Variants in DNAH5 observed in about 807,000 individuals in gnomAD.
DNAH5 encodes axonemal beta dynein heavy chain 5.
A neutral mutation model predicts 518.2 loss-of-function variants in DNAH5; 372 were observed. The observed-to-expected ratio is 0.72, with a 90% CI of 0.66 to 0.78. DNAH5 has a LOEUF of 0.78. Among genes scored for constraint, DNAH5 ranks in the 30% least tolerant of loss-of-function variants. The probability of loss-of-function intolerance (pLI) is 0.00; values close to 1 mark genes in which losing one functional copy is unlikely to be tolerated. For synonymous variants in DNAH5, 2,039 were observed against 2,025.9 expected, an observed-to-expected ratio of 1.01 and a Z score of -0.17; for missense variants, 5,523 against 5,687.0, an observed-to-expected ratio of 0.97 and a Z score of 0.93.
intron 1 of DNAH5, among the ~76,000 whole-genome samples, chr5:13,957,201 C>G (rs1780817932): frequency 6.6e-6 from 1 of 151,586 alleles, no homozygotes; most frequent in Non-Finnish European, 1.5e-5. Context: ...AAACAAAGCA[C>G]AGTCTACACT....
At chr5:13,730,729 G>A (rs1045432491) in intron 68 of DNAH5, among the ~76,000 whole-genome samples, 2 of 144,784 alleles carry the variant, frequency 1.4e-5, no homozygotes, top group African/African-American at 2.6e-5. Context: ...TTGAGATGTA[G>A]TTTCACTCTT....
chr5:13,859,595 G>T lies in DNAH5; in HGVS notation c.4807C>A (p.Pro1603Thr), dbSNP rs369137751. ...GSLLSNRYNM[P>T]FKAQIQKWVQ... is the part of the protein sequence containing the mutation. ...CATTTTTGAATCTGGGCTTTGAATG[G>T]CATATTGTACCTAAAATAAGAAATA... The change falls in exon 30 of 79, where the codon CCA becomes ACA. Residue 1603 changes from proline to threonine, a missense_variant. By Grantham distance (38) the Pro-to-Thr change is conservative (BLOSUM62 -1). Coordinates refer to ENST00000265104, the MANE Select transcript of DNAH5 (RefSeq NM_001369.3). The T allele has an allele frequency of 1.1e-3, 1,799 of 1,613,762 alleles. 33 individuals are homozygous for T. In the South Asian group the frequency reaches 0.019, roughly 17 times the overall value.
At chr5:13,695,999 G>A (rs1741325135) in intron 78 of DNAH5, among the ~76,000 whole-genome samples, 1 of 152,120 alleles carries the variant, frequency 6.6e-6, no homozygotes, top group Admixed American at 6.5e-5. Flanking sequence ...ATTAAATCCT[G>A]TGGGCTCAGG....
intron 36 of DNAH5, 146 bp from the exon 37 acceptor site, chr5:13,830,359 C>T (rs1197226839): frequency 1.1e-6 from 1 of 903,892 alleles, no homozygotes; most frequent in Non-Finnish European, 1.7e-6. Flanking sequence ...ATCAAGTGAC[C>T]CAAAACAGCT....
chr5:13,977,395 A>C (rs950010121), intron 1 of DNAH5, among the ~76,000 whole-genome samples: 1 of 152,048 alleles, frequency 6.6e-6, no homozygotes, highest in African/African-American at 2.4e-5. Context: ...CATTCAGGCC[A>C]CTCTAACACA....
intron 1 of DNAH5, among the ~76,000 whole-genome samples, chr5:14,006,686 C>T (rs1289775542): frequency 6.6e-5 from 10 of 152,140 alleles, no homozygotes; most frequent in Non-Finnish European, 1.2e-4. Context: ...CTGGAGAGGG[C>T]ATAATTTAGC....
At chr5:13,979,470 C>T (rs1433799700) in intron 1 of DNAH5, among the ~76,000 whole-genome samples, 1 of 152,188 alleles carries the variant, frequency 6.6e-6, no homozygotes, top group African/African-American at 2.4e-5. Context: ...ACTCCTAAAG[C>T]CAAGCCTGAA....
intron 65 of DNAH5, among the ~76,000 whole-genome samples, chr5:13,744,756 G>A (rs1749103316): frequency 6.6e-6 from 1 of 152,014 alleles, no homozygotes; most frequent in Non-Finnish European, 1.5e-5. Context: ...ACTTATTTGT[G>A]TACTTAAACT....
intron 42 of DNAH5, 53 bp downstream of exon 42, chr5:13,817,495 A>T: frequency 6.4e-7 from 1 of 1,570,948 alleles, no homozygotes; most frequent in Non-Finnish European, 8.8e-7. Context: ...ATAGCCTCCA[A>T]GGATTCTATC....
intron 38 of DNAH5, among the ~76,000 whole-genome samples, chr5:13,828,940 CA>C (rs1414797764): frequency 6.6e-6 from 1 of 152,206 alleles, no homozygotes; most frequent in East Asian, 1.9e-4. Context: ...TACGTTGTTA[CA>C]AGACACAAAG....
chr5:13,845,281 T>C (rs1765824406), intron 31 of DNAH5, among the ~76,000 whole-genome samples: 1 of 151,932 alleles, frequency 6.6e-6, no homozygotes, highest in African/African-American at 2.4e-5. Context: ...ATCTTGTATA[T>C]ACTAGGTAGA....
chr5:13,955,610 G>A (rs1371382607), intron 1 of DNAH5, among the ~76,000 whole-genome samples: 1 of 152,088 alleles, frequency 6.6e-6, no homozygotes, highest in African/African-American at 2.4e-5. Flanking sequence ...GAAAACAGCA[G>A]TCTCCTAGGA....
chr5:13,741,914 C>A (rs1176071973), intron 65 of DNAH5, among the ~76,000 whole-genome samples: 1 of 152,104 alleles, frequency 6.6e-6, no homozygotes, highest in Admixed American at 6.6e-5. Flanking sequence ...AAAAACTGCT[C>A]ATAGGATTAT....
intron 1 of DNAH5, among the ~76,000 whole-genome samples, chr5:13,998,209 G>A (rs1015740890): frequency 6.6e-5 from 10 of 152,258 alleles, no homozygotes; most frequent in Admixed American, 1.3e-4. Context: ...AGTGTCTGGC[G>A]AGGGCTCACT....
At position 13,717,416 on chromosome 5, in the gene DNAH5, C is replaced by T. The variant is rs748903850; in HGVS notation, c.12604G>A (p.Gly4202Ser). ...HSTVQERRKFGALGWNIPYEF... is the reference protein window; with the variant it reads ...HSTVQERRKFSALGWNIPYEF... ...TAGGGGATATTCCACCCCAGGGCAC[C>T]GAACTTGCGCCTCTCCTGGACAGTG... Residue 4202 changes from glycine to serine, a missense_variant, in exon 73 of 79, where the codon GGT (glycine) becomes AGT (serine). Transcript: ENST00000265104. 38 of 1,613,960 alleles carry T rather than the reference C, an allele frequency of 2.4e-5. No homozygotes were observed. The highest frequency in any genetic ancestry group is 3.1e-5 in the Non-Finnish European group (37 of 1,180,008).
chr5:13,745,547 T>C (rs1231613348), intron 65 of DNAH5, among the ~76,000 whole-genome samples: 1 of 152,074 alleles, frequency 6.6e-6, no homozygotes, highest in Non-Finnish European at 1.5e-5. Flanking sequence ...TGTGTGATAA[T>C]AAGGTCCCTC....
intron 74 of DNAH5, among the ~76,000 whole-genome samples, chr5:13,715,857 A>G (rs964435854): frequency 7.2e-5 from 11 of 152,126 alleles, no homozygotes; most frequent in African/African-American, 2.4e-4. Flanking sequence ...GGTTCTTACA[A>G]TTGGGTATGG....
chr5:13,901,761 ATTAAC>A (rs777630843), intron 13 of DNAH5, among the ~76,000 whole-genome samples, 188 bp from the exon 14 acceptor site: 5 of 152,182 alleles, frequency 3.3e-5, no homozygotes, highest in Admixed American at 6.5e-5. Flanking sequence ...AGGCAAAACT[ATTAAC>A]TTGGGAAGAC....
intron 58 of DNAH5, 72 bp from the exon 59 acceptor site, chr5:13,766,251 A>C: frequency 1.3e-6 from 2 of 1,510,028 alleles, no homozygotes; most frequent in Non-Finnish European, 1.8e-6. Flanking sequence ...GCATGTCCAA[A>C]TGCTGCTATT....
Sources: allele counts gnomAD v4.1 joint callset (sites outside exome capture counted in the v4.1 genomes callset), GRCh38; gene constraint gnomAD v4.1.1; transcripts MANE v1.5; gene names NCBI Gene and HGNC (gene_info 2026-07-23, HGNC 2026-07-21).